PTPRD: variants seen among roughly 807,000 people sequenced by gnomAD.
PTPRD encodes the protein protein tyrosine phosphatase receptor type D.
In PTPRD, 34 loss-of-function variants were observed where a neutral mutation model predicts 214.5. That is an observed-to-expected ratio of 0.16 (90% CI 0.12 to 0.21). The LOEUF (loss-of-function observed/expected upper bound fraction) is 0.21. PTPRD is among the 10% of genes least tolerant of loss of function. The pLI is 1.00. For synonymous variants in PTPRD, 1,128 were observed against 845.7 expected, an observed-to-expected ratio of 1.33 and a Z score of -5.79; for missense variants, 2,545 against 2,398.7, an observed-to-expected ratio of 1.06 and a Z score of -1.27.
At chr9:10,257,670 T>C (rs186445777) in intron 3 of PTPRD, among the ~76,000 whole-genome samples, 113 of 152,302 alleles carry the variant, frequency 7.4e-4, no homozygotes, top group Non-Finnish European at 1.3e-3. Context: ...GAGAGACATC[T>C]GACCCCACCT....
chr9:10,327,858 G>A (rs1056171046), intron 3 of PTPRD, among the ~76,000 whole-genome samples: 4 of 151,648 alleles, frequency 2.6e-5, no homozygotes, highest in Non-Finnish European at 5.9e-5. Flanking sequence ...TAGTTCCAGG[G>A]CTCCTGAAGA....
intron 3 of PTPRD, among the ~76,000 whole-genome samples, chr9:10,159,787 T>C (rs1169710350): frequency 1.3e-5 from 2 of 151,688 alleles, no homozygotes; most frequent in African/African-American, 4.8e-5. Flanking sequence ...GCTCGAAGAA[T>C]GGCTATTTGA....
chr9:10,304,054 G>T (rs915430639), intron 3 of PTPRD, among the ~76,000 whole-genome samples: 1 of 152,046 alleles, frequency 6.6e-6, no homozygotes, highest in Non-Finnish European at 1.5e-5. Context: ...ACATCAAAAC[G>T]CTCATCCACC....
At chr9:9,230,480 T>C (rs1477777665) in intron 9 of PTPRD, among the ~76,000 whole-genome samples, 1 of 151,998 alleles carries the variant, frequency 6.6e-6, no homozygotes, top group Non-Finnish European at 1.5e-5. Context: ...GAGAATAGGG[T>C]TGTAGAAATC....
intron 12 of PTPRD, chr9:8,713,593 C>T (rs2098392766): frequency 1.3e-6 from 2 of 1,522,604 alleles, no homozygotes; most frequent in South Asian, 1.1e-5. Flanking sequence ...CAACATGTAC[C>T]GGGAATACCG....
intron 30 of PTPRD, among the ~76,000 whole-genome samples, chr9:8,473,362 C>G (rs1374039610): frequency 6.6e-6 from 1 of 152,140 alleles, no homozygotes; most frequent in Non-Finnish European, 1.5e-5. Context: ...AAGCTTCCCC[C>G]TCTCCTGTCC....
At chr9:10,242,503 G>C (rs1210945644) in intron 3 of PTPRD, among the ~76,000 whole-genome samples, 1 of 151,890 alleles carries the variant, frequency 6.6e-6, no homozygotes, top group East Asian at 1.9e-4. Context: ...TCAGTGTTCA[G>C]GCAACAGAAA....
intron 26 of PTPRD, among the ~76,000 whole-genome samples, chr9:8,496,211 A>ACAC (rs1554641959): frequency 3.1e-4 from 28 of 91,480 alleles, no homozygotes; most frequent in Non-Finnish European, 4.9e-4. Context: ...CACACACACA[A>ACAC]ACACACACAC....
At chr9:8,811,537 T>A (rs1159098989) in intron 11 of PTPRD, among the ~76,000 whole-genome samples, 1 of 152,116 alleles carries the variant, frequency 6.6e-6, no homozygotes, top group Non-Finnish European at 1.5e-5. Context: ...CGGGAAACAG[T>A]CCTGAGGTCA....
chr9:10,438,522 G>A lies in PTPRD; in HGVS notation c.-599-97505C>T, dbSNP rs149354336. On this transcript the variant is annotated intron_variant, in intron 2 of 45. Transcript: ENST00000381196. ...TTTATGAGTCTTTGGACTCCAATTC[G>A]ATGTTTTTGTTTCCGCCACTCCCAA... Among the ~76,000 whole-genome samples, 822 of 151,706 alleles carry A rather than the reference G, an allele frequency of 5.4e-3. 8 individuals carry two copies. Among genetic ancestry groups the A allele is most frequent in the African/African-American group, 0.018 (756 of 41,440 alleles).
At chr9:8,413,065 A>G (rs1358227306) in intron 35 of PTPRD, among the ~76,000 whole-genome samples, 1 of 152,196 alleles carries the variant, frequency 6.6e-6, no homozygotes, top group Non-Finnish European at 1.5e-5. Context: ...CATTTTTAAA[A>G]GTCGGATTAG....
chr9:9,340,903 G>A (rs975131903), intron 9 of PTPRD, among the ~76,000 whole-genome samples: 3 of 152,114 alleles, frequency 2.0e-5, no homozygotes, highest in Admixed American at 6.6e-5. Context: ...AACTACTAGT[G>A]AAGAAAACAG....
chr9:10,121,610 A>T (rs533677207), intron 3 of PTPRD, among the ~76,000 whole-genome samples: 16 of 152,310 alleles, frequency 1.1e-4, no homozygotes, highest in Admixed American at 5.2e-4. Context: ...ACTTATCTTT[A>T]ATTCTTGCTC....
At chr9:9,200,840 G>C (rs1052383275) in intron 9 of PTPRD, among the ~76,000 whole-genome samples, 1 of 152,162 alleles carries the variant, frequency 6.6e-6, no homozygotes, top group African/African-American at 2.4e-5. Flanking sequence ...AATTATTAAA[G>C]CTTACACAAA....
chr9:9,288,421 C>A (rs1272654620), intron 9 of PTPRD, among the ~76,000 whole-genome samples: 2 of 151,704 alleles, frequency 1.3e-5, no homozygotes, highest in Non-Finnish European at 2.9e-5. Context: ...TTACAACTAC[C>A]ATAATAAATA....
At chr9:8,388,578 G>A (rs1040165958) in intron 37 of PTPRD, among the ~76,000 whole-genome samples, 2 of 152,224 alleles carry the variant, frequency 1.3e-5, no homozygotes, top group African/African-American at 2.4e-5. Flanking sequence ...TTTAACTAAT[G>A]TGCCATGCAC....
chr9:9,387,027 C>T (rs1318656895), intron 9 of PTPRD, among the ~76,000 whole-genome samples: 1 of 152,182 alleles, frequency 6.6e-6, no homozygotes, highest in African/African-American at 2.4e-5. Context: ...CTCAGAGGGA[C>T]TTTGATGTGA....
chr9:9,455,585 C>T lies in PTPRD; in HGVS notation c.-236-58103G>A, dbSNP rs140601510. On this transcript the variant is annotated intron_variant, in intron 8 of 45. Coordinates refer to ENST00000381196, the MANE Select transcript of PTPRD (RefSeq NM_002839.4). ...TTTCAAGATTAATATTATCATTACT[C>T]AGCTGTGTTAATTAGCTGGTGAATC... Among the ~76,000 whole-genome samples, 1,129 of 151,678 alleles carry T rather than the reference C, an allele frequency of 7.4e-3. 10 individuals are homozygous for T. The highest frequency in any genetic ancestry group is 0.026 in the African/African-American group (1,091 of 41,472).
chr9:9,358,532 T>C (rs1458222187), intron 9 of PTPRD, among the ~76,000 whole-genome samples: 1 of 151,310 alleles, frequency 6.6e-6, no homozygotes, highest in East Asian at 1.9e-4. Flanking sequence ...ATGAATGTCA[T>C]ATTTTTGCCT....
Sources: allele counts gnomAD v4.1 joint callset (sites outside exome capture counted in the v4.1 genomes callset), GRCh38; gene constraint gnomAD v4.1.1; transcripts MANE v1.5; gene names NCBI Gene and HGNC (gene_info 2026-07-23, HGNC 2026-07-21).